The following LZTFL1 variants were observed in gnomAD, a reference collection of about 807,000 sequenced individuals.
LZTFL1 encodes leucine zipper transcription factor-like protein 1.
A neutral mutation model predicts 45.9 loss-of-function variants in LZTFL1; 25 were observed. The ratio of observed to expected loss-of-function variants is 0.54; its 90% CI spans 0.40 to 0.76. The LOEUF (loss-of-function observed/expected upper bound fraction) is 0.76. Among genes scored for constraint, LZTFL1 ranks in the 30% least tolerant of loss-of-function variants. The probability of loss-of-function intolerance (pLI) is 0.00; values close to 1 mark genes in which losing one functional copy is unlikely to be tolerated. For synonymous variants in LZTFL1, 93 were observed against 117.4 expected (o/e 0.79, Z 1.35); for missense variants, 277 against 331.1 (o/e 0.84, Z 1.27).
chr3:45,846,143 C>T (rs1701213458), upstream of LZTFL1, among the ~76,000 whole-genome samples: 1 of 152,136 alleles, frequency 6.6e-6, no homozygotes, highest in Non-Finnish European at 1.5e-5. Flanking sequence ...TTGCTTTTGG[C>T]CCTGGACATG....
chr3:45,905,526 A>G (rs71325092), intron 2 of LZTFL1, among the ~76,000 whole-genome samples: 13,111 of 152,324 alleles, frequency 0.086, 977 homozygotes, highest in South Asian at 0.36. Flanking sequence ...AAAAACCTCT[A>G]TGGTCATATG....
At chr3:45,878,852 G>A (rs989312372) in intron 2 of LZTFL1, among the ~76,000 whole-genome samples, 1 of 152,190 alleles carries the variant, frequency 6.6e-6, no homozygotes, top group Non-Finnish European at 1.5e-5. Context: ...AGGCTGAGGC[G>A]GGCAGATCAC....
intron 2 of LZTFL1, among the ~76,000 whole-genome samples, chr3:45,861,942 C>T (rs188094640): frequency 1.4e-3 from 220 of 152,242 alleles, no homozygotes; most frequent in Middle Eastern, 6.8e-3. Flanking sequence ...CCTAAGGTAC[C>T]GAGTTTTTGT....
In LZTFL1 at chr3:45,837,956, A is replaced by G; in HGVS notation, c.99T>C (p.Asp33=). The part of the protein sequence containing the change: ...SKRGLRLKTV[D]SCFQDLKESR... ...TCTCCTTGAGGTCTTGGAAGCAGGA[A>G]TCTACAGTTTTGAGTCTCAAGCCTC... Residue 33 remains aspartate, a synonymous_variant, in exon 2 of 10, where the codon GAT becomes GAC. Transcript: ENST00000296135. The G allele has an allele frequency of 6.2e-7, 1 of 1,613,426 alleles. No homozygotes were observed. The highest frequency in any genetic ancestry group is 8.5e-7 in the Non-Finnish European group (1 of 1,179,786).
intron 4 of LZTFL1, among the ~76,000 whole-genome samples, chr3:45,852,008 C>T (rs1036762986): frequency 4.1e-4 from 62 of 152,194 alleles, no homozygotes; most frequent in Non-Finnish European, 1.2e-4. Context: ...TCTCCTAAAG[C>T]ATTCCTAGTC....
At chr3:45,903,043 A>G (rs1384105731) in intron 2 of LZTFL1, 1 of 167,146 alleles carries the variant, frequency 6.0e-6, no homozygotes, top group East Asian at 1.9e-4. Flanking sequence ...GGCAAAATGC[A>G]TCACCTTTGA....
At chr3:45,885,916 A>G (rs1201803840) in intron 2 of LZTFL1, among the ~76,000 whole-genome samples, 1 of 152,076 alleles carries the variant, frequency 6.6e-6, no homozygotes, top group African/African-American at 2.4e-5. Context: ...AGGTTTCACC[A>G]TGTTGTCCAG....
At chr3:45,889,597 A>G (rs1293097021) in intron 2 of LZTFL1, among the ~76,000 whole-genome samples, 1 of 152,148 alleles carries the variant, frequency 6.6e-6, no homozygotes, top group East Asian at 1.9e-4. Flanking sequence ...TGAAAACATG[A>G]AAGTTCATTT....
In LZTFL1 at chr3:45,838,498, C is replaced by T. The variant is rs557456777; in HGVS notation, c.4-447G>A. ...CAGTGAGATGGCTGTTAAGTGAGAG[C>T]GAAATAAACTTCTGTATTCTTCAAG... On this transcript the variant is annotated intron_variant, in intron 1 of 9. Transcript: ENST00000296135. Among the ~76,000 whole-genome samples, 8 of 152,290 alleles carry T rather than the reference C, an allele frequency of 5.3e-5. No homozygotes were observed. In the East Asian group the frequency reaches 9.6e-4, roughly 18 times the overall value.
intron 1 of LZTFL1, among the ~76,000 whole-genome samples, chr3:45,914,855 C>T (rs141238649): frequency 6.6e-6 from 1 of 152,298 alleles, no homozygotes; most frequent in African/African-American, 2.4e-5. Context: ...CTTTCTGAGA[C>T]CACCCAACAG....
intron 4 of LZTFL1, among the ~76,000 whole-genome samples, chr3:45,852,085 AG>A (rs1701318898): frequency 6.6e-6 from 1 of 152,146 alleles, no homozygotes; most frequent in African/African-American, 2.4e-5. Context: ...CTTTTCTAGA[AG>A]GGAAGTTCCC....
At chr3:45,899,453 T>C (rs994742951) in intron 2 of LZTFL1, among the ~76,000 whole-genome samples, 15 of 152,254 alleles carry the variant, frequency 9.9e-5, no homozygotes, top group African/African-American at 3.4e-4. Flanking sequence ...TTTGTACTTA[T>C]ATATTTGTTA....
At chr3:45,842,899 T>C (rs1217184708), upstream of LZTFL1, among the ~76,000 whole-genome samples, 1 of 152,160 alleles carries the variant, frequency 6.6e-6, no homozygotes, top group Non-Finnish European at 1.5e-5. Context: ...GAAGGACAAG[T>C]GTAGGATGAG....
intron 2 of LZTFL1, among the ~76,000 whole-genome samples, chr3:45,859,460 C>T (rs1313319138): frequency 1.3e-5 from 2 of 152,102 alleles, no homozygotes; most frequent in Non-Finnish European, 2.9e-5. Context: ...CTTCTGGGCT[C>T]AATTGATCCT....
intron 2 of LZTFL1, among the ~76,000 whole-genome samples, chr3:45,892,691 C>G (rs1243522015): frequency 6.6e-6 from 1 of 152,018 alleles, no homozygotes; most frequent in African/African-American, 2.4e-5. Context: ...TATGACAAAC[C>G]TGCACATATA....
intron 2 of LZTFL1, chr3:45,897,595 C>T (rs1202103712): frequency 3.9e-6 from 6 of 1,535,724 alleles, no homozygotes; most frequent in African/African-American, 2.7e-5. Flanking sequence ...CACCTTCCCT[C>T]GCTGGCCCAG....
At chr3:45,841,636 G>C (rs1701117182) in intron 1 of LZTFL1, 4 of 371,438 alleles carry the variant, frequency 1.1e-5, no homozygotes, top group Admixed American at 3.9e-5. Context: ...TCTTGAAATA[G>C]AGTTAAGAAC....
Position 45,894,905 on chromosome 3 carries a change from G to T in LZTFL1, c.-215+18215C>A, listed in dbSNP as rs1262362583. ...CTTTTTGATTTTTGTCCCTTTTCCAGGAGCAGGCTTGCATCTGACTGACCC... is the reference window on the plus strand; with the variant it reads ...CTTTTTGATTTTTGTCCCTTTTCCATGAGCAGGCTTGCATCTGACTGACCC... On this transcript the variant is annotated intron_variant, in intron 2 of 4. Transcript: ENST00000472635. 1.9e-6 allele frequency: 3 copies of T among 1,613,336 alleles called. No homozygotes were observed. The South Asian group carries it at 3.3e-5, about 18-fold the overall frequency.
chr3:45,848,814 A>G (rs952545661), intron 4 of LZTFL1, among the ~76,000 whole-genome samples: 1 of 152,222 alleles, frequency 6.6e-6, no homozygotes, highest in Non-Finnish European at 1.5e-5. Flanking sequence ...AGGGTAGTGA[A>G]TTATAAAATA....
Sources: allele counts gnomAD v4.1 joint callset (sites outside exome capture counted in the v4.1 genomes callset), GRCh38; gene constraint gnomAD v4.1.1; transcripts MANE v1.5; gene names NCBI Gene and HGNC (gene_info 2026-07-23, HGNC 2026-07-21).